Variants in NUMB observed in about 807,000 individuals in gnomAD.
The protein encoded by NUMB is protein numb homolog.
Under a neutral mutation model 59.7 loss-of-function variants are expected in NUMB, and 29 were observed. The ratio of observed to expected loss-of-function variants is 0.49; its 90% confidence interval spans 0.36 to 0.66. The LOEUF (loss-of-function observed/expected upper bound fraction) is 0.66, where lower values mean the gene tolerates loss of function less well. Among genes scored for constraint, NUMB ranks in the 30% least tolerant of loss-of-function variants. The pLI is 0.00. For missense variants in NUMB, 723 were observed against 822.0 expected (o/e 0.88, Z 1.47); for synonymous variants, 288 against 288.2 (o/e 1.00, Z 0.01).
intron 2 of NUMB, chr14:73,409,651 C>G (rs1392507600): frequency 6.6e-6 from 1 of 152,184 alleles, no homozygotes; most frequent in African/African-American, 2.4e-5. Context: ...CTTTGTTACA[C>G]AGCAATAGAT....
At chr14:73,426,813 C>T (rs1402105334) in intron 1 of NUMB, among the ~76,000 whole-genome samples, 3 of 151,886 alleles carry the variant, frequency 2.0e-5, no homozygotes, top group Non-Finnish European at 2.9e-5. Context: ...TGCCACTGCA[C>T]TCCAGCCTGG....
chr14:73,414,819 A>T (rs1897055660), intron 1 of NUMB, among the ~76,000 whole-genome samples: 1 of 152,092 alleles, frequency 6.6e-6, no homozygotes, highest in South Asian at 2.1e-4. Flanking sequence ...TCCCGGGTTC[A>T]CGCTATTCTC....
chr14:73,448,366 A>AT (rs1883685686), intron 1 of NUMB, among the ~76,000 whole-genome samples: 1 of 152,036 alleles, frequency 6.6e-6, no homozygotes. Flanking sequence ...ATTTTTTTTA[A>AT]TTTATAATAG....
intron 4 of NUMB, among the ~76,000 whole-genome samples, chr14:73,324,633 TA>T (rs1891572778): frequency 6.6e-6 from 1 of 151,106 alleles, no homozygotes. Flanking sequence ...TTTTTCAAGG[TA>T]GTAATATGAT....
chr14:73,351,725 C>T (rs1196313473), intron 4 of NUMB, among the ~76,000 whole-genome samples: 1 of 151,944 alleles, frequency 6.6e-6, no homozygotes, highest in Non-Finnish European at 1.5e-5. Flanking sequence ...GCCTGTAATC[C>T]CAGCACTTTG....
rs117680174 is a variant in NUMB at position 73,314,296 on chromosome 14, T to C, written c.234+2094A>G. Among the ~76,000 whole-genome samples, 1,271 of 152,308 alleles carry C rather than the reference T, an allele frequency of 8.3e-3. 37 individuals carry two copies. The highest frequency in any genetic ancestry group is 0.049 in the Admixed American group (744 of 15,296). The stretch of plus-strand genomic sequence containing the variant: ...AAATCCCATTTTTTACCACTTATTA[T>C]AAATATCTGTGAATTCAGTCAGGTC... On this transcript the variant is annotated intron_variant, in intron 6 of 12. Transcript: ENST00000555238.
chr14:73,437,456 G>A (rs965683126), intron 1 of NUMB, among the ~76,000 whole-genome samples: 1 of 152,118 alleles, frequency 6.6e-6, no homozygotes, highest in African/African-American at 2.4e-5. Context: ...AATGCCATAG[G>A]GAGATACAAC....
chr14:73,338,646 C>T (rs1892474687), intron 4 of NUMB, among the ~76,000 whole-genome samples: 1 of 152,150 alleles, frequency 6.6e-6, no homozygotes, highest in Non-Finnish European at 1.5e-5. Context: ...AGCCAAAATC[C>T]TTACAATGGT....
At chr14:73,277,327 G>C (rs1888239976) in intron 12 of NUMB, 34 bp from the exon 13 acceptor site, 1 of 1,478,226 alleles carries the variant, frequency 6.8e-7, no homozygotes, top group Non-Finnish European at 9.3e-7. Flanking sequence ...AAAAGAATCA[G>C]TTAGGGGCAT....
chr14:73,276,876 G>A lies in NUMB; in HGVS notation c.1658C>T (p.Ser553Leu). The A allele has an allele frequency of 6.2e-7, 1 of 1,614,062 alleles. No homozygotes were observed. Among genetic ancestry groups the A allele is most frequent in the Non-Finnish European group, 8.5e-7 (1 of 1,179,952 alleles). The change falls in exon 13 of 13, where the codon TCA becomes TTA. Residue 553 changes from serine to leucine, a missense_variant. By Grantham distance (145) the Ser-to-Leu change is moderately radical. This residue lies in a region of NUMB where 406 missense variants were observed against 385.4 expected (regional missense o/e 1.05). Coordinates refer to ENST00000555238, the MANE Select transcript of NUMB (RefSeq NM_001005743.2). ...TGTCTGCTGCCTGACCAGGCTGGGT[G>A]ACTGATGGGGATGGGCAGCCTGAGG... ...GHPQAAHPHQ[S>L]PSLVRQQTFP...
intron 1 of NUMB, among the ~76,000 whole-genome samples, chr14:73,423,573 G>A (rs1430505690): frequency 2.6e-5 from 4 of 151,922 alleles, no homozygotes; most frequent in African/African-American, 9.7e-5. Context: ...CCCAGGAGGT[G>A]GAGGTTGCAG....
chr14:73,401,195 T>C (rs1322079248), intron 2 of NUMB, among the ~76,000 whole-genome samples: 1 of 152,194 alleles, frequency 6.6e-6, no homozygotes, highest in Non-Finnish European at 1.5e-5. Context: ...CCACGCATTT[T>C]GGTGACCAGA....
intron 4 of NUMB, among the ~76,000 whole-genome samples, chr14:73,339,746 T>G (rs1178809633): frequency 6.6e-6 from 1 of 151,926 alleles, no homozygotes; most frequent in East Asian, 1.9e-4. Flanking sequence ...CCTTCATACT[T>G]AACCCTCACC....
intron 1 of NUMB, among the ~76,000 whole-genome samples, chr14:73,418,827 A>C (rs1199819880): frequency 1.3e-5 from 2 of 152,206 alleles, no homozygotes; most frequent in South Asian, 2.1e-4. Flanking sequence ...AAAAAAAGCA[A>C]AGCAAACCAT....
At chr14:73,377,559 G>C (rs1895011591) in intron 2 of NUMB, among the ~76,000 whole-genome samples, 1 of 152,156 alleles carries the variant, frequency 6.6e-6, no homozygotes, top group African/African-American at 2.4e-5. Context: ...AGAATCACTT[G>C]AACCCTGGAG....
intron 1 of NUMB, among the ~76,000 whole-genome samples, chr14:73,445,384 A>C (rs924317584): frequency 4.1e-5 from 6 of 146,772 alleles, no homozygotes; most frequent in Admixed American, 2.0e-4. Context: ...AAAAAAAAAA[A>C]AAAAAAAAAA....
chr14:73,441,149 G>A (rs1272584671), intron 1 of NUMB, among the ~76,000 whole-genome samples: 1 of 152,004 alleles, frequency 6.6e-6, no homozygotes, highest in Non-Finnish European at 1.5e-5. Context: ...AAATCGGCAA[G>A]CATATAAAAA....
chr14:73,408,170 T>C (rs1358291393), intron 2 of NUMB, among the ~76,000 whole-genome samples: 2 of 151,292 alleles, frequency 1.3e-5, no homozygotes, highest in Non-Finnish European at 2.9e-5. Context: ...GAACTTGCAG[T>C]GAGCTGAGAT....
intron 1 of NUMB, among the ~76,000 whole-genome samples, chr14:73,444,071 G>A (rs1883285193): frequency 6.6e-6 from 1 of 152,026 alleles, no homozygotes; most frequent in Non-Finnish European, 1.5e-5. Flanking sequence ...CCTTGCCCGG[G>A]CCGAGAGCTT....
Sources: gnomAD v4.1 joint callset for allele counts (sites outside exome capture counted in the v4.1 genomes callset) on GRCh38, gnomAD v4.1.1 for gene constraint, gnomAD v4.1.1 regional missense constraint, MANE v1.5 for transcripts, NCBI Gene and HGNC (gene_info 2026-07-23, HGNC 2026-07-21) for gene names.